PTPRQ: variants seen among roughly 807,000 people sequenced by gnomAD.
The protein encoded by PTPRQ is protein tyrosine phosphatase receptor type Q.
A neutral mutation model predicts 246.0 loss-of-function variants in PTPRQ; 199 were observed. The observed-to-expected ratio is 0.81, with a 90% confidence interval of 0.72 to 0.91. PTPRQ has a LOEUF of 0.91. Ranked by LOEUF, PTPRQ falls within the 40% of genes least tolerant of loss-of-function variation. The pLI, the probability that PTPRQ is intolerant of heterozygous loss-of-function variation, is 0.00. For synonymous variants in PTPRQ, 869 were observed against 853.2 expected (o/e 1.02, Z -0.32); for missense variants, 2,624 against 2,528.4 (o/e 1.04, Z -0.81).
chr12:80,484,541 T>C lies in PTPRQ; in HGVS notation c.1295T>C (p.Val432Ala). 6.4e-7 allele frequency: 1 copy of C among 1,551,026 alleles called. No homozygotes were observed. Among genetic ancestry groups the C allele is most frequent in the Non-Finnish European group, 8.7e-7 (1 of 1,146,792 alleles). Residue 432 changes from valine (V) to alanine (A), a missense_variant, in exon 9 of 45, where the codon GTG (valine) becomes GCG (alanine). By Grantham distance (64) the Val-to-Ala change is moderately conservative. Coordinates refer to ENST00000644991, the MANE Select transcript of PTPRQ (RefSeq NM_001145026.2). ...AATGGAATTATTAACCAATACCGAG[T>C]GAAAGTGCTAGTTCCAGAGACAGGA... ...QPNGIINQYR[V>A]KVLVPETGII... is the part of the protein sequence containing the mutation.
intron 29 of PTPRQ, among the ~76,000 whole-genome samples, chr12:80,614,338 C>T (rs907447447): frequency 6.6e-6 from 1 of 150,652 alleles, no homozygotes; most frequent in African/African-American, 2.4e-5. Flanking sequence ...AGTTCATATA[C>T]ATACACAGAG....
chr12:80,479,477 A>G (rs1893951630), intron 8 of PTPRQ, among the ~76,000 whole-genome samples: 1 of 150,666 alleles, frequency 6.6e-6, no homozygotes, highest in Non-Finnish European at 1.5e-5. Context: ...ACTAATGAGC[A>G]AAATAACCAG....
At chr12:80,545,814 G>A (rs1896287617) in intron 23 of PTPRQ, among the ~76,000 whole-genome samples, 1 of 149,418 alleles carries the variant, frequency 6.7e-6, no homozygotes. Context: ...TGTTTTGCCA[G>A]TGTCTACATA....
chr12:80,463,900 C>T (rs1382335460), intron 6 of PTPRQ, among the ~76,000 whole-genome samples: 1 of 151,520 alleles, frequency 6.6e-6, no homozygotes, highest in Non-Finnish European at 1.5e-5. Flanking sequence ...CTGGTACCAG[C>T]CGCTGCAAAA....
At chr12:80,501,615 G>C (rs140436350) in intron 14 of PTPRQ, among the ~76,000 whole-genome samples, 1 of 151,986 alleles carries the variant, frequency 6.6e-6, no homozygotes, top group African/African-American at 2.4e-5. Flanking sequence ...ACAACAGGGG[G>C]AGACGTTAAG....
chr12:80,489,083 T>C (rs1451633193), intron 9 of PTPRQ, among the ~76,000 whole-genome samples: 1 of 152,034 alleles, frequency 6.6e-6, no homozygotes, highest in East Asian at 1.9e-4. Flanking sequence ...TATGGTCCCA[T>C]AAGCATCTAT....
intron 17 of PTPRQ, among the ~76,000 whole-genome samples, chr12:80,521,320 C>G (rs1199516171): frequency 1.3e-5 from 2 of 152,090 alleles, no homozygotes; most frequent in Non-Finnish European, 2.9e-5. Flanking sequence ...GTTGCCTGTT[C>G]ACTCTGATGG....
intron 3 of PTPRQ, among the ~76,000 whole-genome samples, chr12:80,450,428 G>C (rs868112814): frequency 2.0e-5 from 3 of 152,100 alleles, no homozygotes; most frequent in Admixed American, 6.6e-5. Context: ...AATAGGAGTG[G>C]TGAGAGAGGG....
chr12:80,538,942 G>C (rs1301048647), intron 19 of PTPRQ, among the ~76,000 whole-genome samples: 2 of 151,972 alleles, frequency 1.3e-5, no homozygotes, highest in Non-Finnish European at 2.9e-5. Flanking sequence ...TTTGAATGCA[G>C]GTCTATAGGA....
Position 80,506,183 on chromosome 12 carries a change from C to A in PTPRQ, c.2432C>A (p.Thr811Asn). Residue 811 changes from threonine (T) to asparagine (N), a missense_variant, in exon 15 of 45, where the codon ACC becomes AAC. By Grantham distance (65) the Thr-to-Asn change is moderately conservative. Transcript: ENST00000644991. ...NGNEERTINT[T>N]SLTQNIKVLK... ...AATGAGGAAAGAACTATAAATACAACCTCTTTAACCCAAAACATTAAAGGT... is the reference window on the plus strand; with the variant it reads ...AATGAGGAAAGAACTATAAATACAAACTCTTTAACCCAAAACATTAAAGGT... 1 of 1,492,354 alleles carries A rather than the reference C, an allele frequency of 6.7e-7. No homozygotes were observed. The highest frequency in any genetic ancestry group is 8.9e-7 in the Non-Finnish European group (1 of 1,124,432). 92.4% of individuals were successfully genotyped at this position (1,492,354 alleles called of 1,614,324 possible).
intron 9 of PTPRQ, among the ~76,000 whole-genome samples, chr12:80,487,898 G>T (rs1894329217): frequency 6.6e-6 from 1 of 152,006 alleles, no homozygotes; most frequent in Non-Finnish European, 1.5e-5. Context: ...GCTTAGATTG[G>T]TTCTCCTCTT....
intron 33 of PTPRQ, among the ~76,000 whole-genome samples, chr12:80,630,736 G>C (rs1346409243): frequency 6.6e-6 from 1 of 151,838 alleles, no homozygotes; most frequent in African/African-American, 2.4e-5. Flanking sequence ...TTTATTTTGA[G>C]CTGGTGTTTT....
chr12:80,558,119 C>CTTTCTTTTCTTTTTTCT (rs1555198001), intron 25 of PTPRQ, among the ~76,000 whole-genome samples: 7 of 95,680 alleles, frequency 7.3e-5, no homozygotes, highest in African/African-American at 3.5e-4. Flanking sequence ...TCTTTTCTTT[C>CTTTCTTTTCTTTTTTCT]TTTCTTTTCT....
At chr12:80,501,810 A>G (rs1385889328) in intron 14 of PTPRQ, among the ~76,000 whole-genome samples, 3 of 151,996 alleles carry the variant, frequency 2.0e-5, no homozygotes, top group Admixed American at 6.6e-5. Flanking sequence ...TGCTGCTGAC[A>G]AGTAAAGTAA....
At chr12:80,478,475 C>G (rs1171665644) in intron 8 of PTPRQ, among the ~76,000 whole-genome samples, 1 of 152,140 alleles carries the variant, frequency 6.6e-6, no homozygotes, top group Non-Finnish European at 1.5e-5. Flanking sequence ...CAGAGCGCCT[C>G]TCCTCCTCCA....
chr12:80,451,169 G>A (rs1190262980), intron 3 of PTPRQ, among the ~76,000 whole-genome samples: 3 of 151,972 alleles, frequency 2.0e-5, no homozygotes, highest in African/African-American at 4.8e-5. Context: ...TTTGCATAGA[G>A]GTGTTTGTAG....
intron 23 of PTPRQ, among the ~76,000 whole-genome samples, chr12:80,545,631 C>T (rs954056633): frequency 2.6e-5 from 4 of 151,438 alleles, no homozygotes; most frequent in Admixed American, 1.3e-4. Flanking sequence ...AACTATGATA[C>T]TCTTTTGTTC....
At chr12:80,478,660 C>A (rs903206705) in intron 8 of PTPRQ, among the ~76,000 whole-genome samples, 2 of 152,024 alleles carry the variant, frequency 1.3e-5, no homozygotes, top group Non-Finnish European at 1.5e-5. Flanking sequence ...ACTAGAATAA[C>A]CAATACAGAG....
chr12:80,465,739 A>G (rs922262286), intron 6 of PTPRQ, among the ~76,000 whole-genome samples: 5 of 152,156 alleles, frequency 3.3e-5, no homozygotes, highest in African/African-American at 1.2e-4. Flanking sequence ...ATATAAACAG[A>G]ACCAAAGACA....
Sources: allele counts gnomAD v4.1 joint callset (sites outside exome capture counted in the v4.1 genomes callset), GRCh38; gene constraint gnomAD v4.1.1; transcripts MANE v1.5; gene names NCBI Gene and HGNC (gene_info 2026-07-23, HGNC 2026-07-21).